PTPRD: variants seen among roughly 807,000 people sequenced by gnomAD.
PTPRD encodes the protein protein tyrosine phosphatase receptor type D.
Under a neutral mutation model 214.5 loss-of-function variants are expected in PTPRD, and 34 were observed. The ratio of observed to expected loss-of-function variants is 0.16; its 90% CI spans 0.12 to 0.21. The LOEUF (loss-of-function observed/expected upper bound fraction) is 0.21. Ranked by LOEUF, PTPRD falls within the 10% of genes least tolerant of loss-of-function variation. The pLI is 1.00. For synonymous variants in PTPRD, 1,128 were observed against 845.7 expected (o/e 1.33, Z -5.79); for missense variants, 2,545 against 2,398.7 (o/e 1.06, Z -1.27).
At chr9:9,500,235 T>C (rs534107514) in intron 8 of PTPRD, among the ~76,000 whole-genome samples, 3 of 152,206 alleles carry the variant, frequency 2.0e-5, no homozygotes, top group South Asian at 2.1e-4. Flanking sequence ...CTCCCAGCCA[T>C]GATAGAGAAA....
At position 9,035,832 on chromosome 9, in the gene PTPRD, A is replaced by G. The variant is rs75230431; in HGVS notation, c.-142-17097T>C. Reference sequence around the variant, plus strand: ...GACAGTCTGGTTTAATGCTTATTCAACAATAAAGGTGTTTCTTTCTCTACT... The same window carrying G: ...GACAGTCTGGTTTAATGCTTATTCAGCAATAAAGGTGTTTCTTTCTCTACT... On this transcript the variant is annotated intron_variant, in intron 10 of 45. Transcript: ENST00000381196. Among the ~76,000 whole-genome samples, 295 of 152,182 alleles carry G rather than the reference A, an allele frequency of 1.9e-3. 6 individuals are homozygous for G. The East Asian group carries it at 0.041, about 21-fold the overall frequency.
intron 39 of PTPRD, among the ~76,000 whole-genome samples, chr9:8,361,126 C>T (rs758591749): frequency 2.8e-4 from 42 of 152,108 alleles, no homozygotes; most frequent in Non-Finnish European, 2.4e-4. Context: ...GGTCAACATA[C>T]GGATTTGTAA....
chr9:9,502,484 G>T (rs1031771714), intron 8 of PTPRD, among the ~76,000 whole-genome samples: 1 of 151,866 alleles, frequency 6.6e-6, no homozygotes, highest in African/African-American at 2.4e-5. Flanking sequence ...ATACGTATAT[G>T]TATTTCTGTT....
At chr9:10,607,339 AC>A (rs2079703151) in intron 2 of PTPRD, among the ~76,000 whole-genome samples, 2 of 151,936 alleles carry the variant, frequency 1.3e-5, no homozygotes, top group Admixed American at 6.6e-5. Flanking sequence ...TTGTTATGTT[AC>A]ATACTAGTCT....
At chr9:10,104,048 G>C (rs1211804872) in intron 3 of PTPRD, among the ~76,000 whole-genome samples, 1 of 151,690 alleles carries the variant, frequency 6.6e-6, no homozygotes, top group Non-Finnish European at 1.5e-5. Flanking sequence ...ATTATGTTAA[G>C]TGAAATAAGC....
In PTPRD at chr9:9,175,990, G is replaced by A. The variant is rs148918800; in HGVS notation, c.-143+7314C>T. Among the ~76,000 whole-genome samples, 427 of 152,248 alleles carry A rather than the reference G, an allele frequency of 2.8e-3. 4 individuals carry two copies. The highest frequency in any genetic ancestry group is 9.3e-3 in the African/African-American group (387 of 41,572). The stretch of plus-strand genomic sequence containing the variant: ...CTCAACTTCTAGGTAATCTTCTATA[G>A]CTGAGTCTGCAACTCCTTCCCTCAG... On this transcript the variant is annotated intron_variant, in intron 10 of 45. Coordinates refer to ENST00000381196, the MANE Select transcript of PTPRD (RefSeq NM_002839.4).
At chr9:9,904,227 A>C (rs2077041141) in intron 5 of PTPRD, among the ~76,000 whole-genome samples, 1 of 152,110 alleles carries the variant, frequency 6.6e-6, no homozygotes. Flanking sequence ...TTTTCAGCCA[A>C]ACGTTTGATG....
At chr9:9,772,140 C>G (rs2098756839) in intron 5 of PTPRD, among the ~76,000 whole-genome samples, 1 of 151,912 alleles carries the variant, frequency 6.6e-6, no homozygotes. Context: ...AGCCCTAATC[C>G]AATGTGACTG....
chr9:8,451,201 C>G (rs1019555171), intron 33 of PTPRD, among the ~76,000 whole-genome samples: 1 of 152,122 alleles, frequency 6.6e-6, no homozygotes, highest in Non-Finnish European at 1.5e-5. Flanking sequence ...GTGCCTTTGG[C>G]AAAACATCCT....
At chr9:8,815,109 T>G (rs955988692) in intron 11 of PTPRD, among the ~76,000 whole-genome samples, 37 of 101,534 alleles carry the variant, frequency 3.6e-4, no homozygotes, top group Admixed American at 2.8e-3. Context: ...TATAATTTAG[T>G]TTTTTTTTTT....
chr9:9,891,931 A>G (rs2073470487), intron 5 of PTPRD, among the ~76,000 whole-genome samples: 2 of 152,140 alleles, frequency 1.3e-5, no homozygotes, highest in African/African-American at 4.8e-5. Flanking sequence ...AAGACATCCC[A>G]CATATTTTAC....
intron 10 of PTPRD, among the ~76,000 whole-genome samples, chr9:9,057,902 T>A (rs562659164): frequency 1.3e-5 from 2 of 152,264 alleles, no homozygotes; most frequent in Admixed American, 1.3e-4. Context: ...ATTAGAAGTA[T>A]AAATATTATA....
At chr9:10,185,242 T>G (rs2099324498) in intron 3 of PTPRD, among the ~76,000 whole-genome samples, 1 of 152,048 alleles carries the variant, frequency 6.6e-6, no homozygotes. Context: ...TTAATGAGAG[T>G]ACAAAAGCGG....
At chr9:10,564,783 C>T (rs2065116665) in intron 2 of PTPRD, among the ~76,000 whole-genome samples, 1 of 152,162 alleles carries the variant, frequency 6.6e-6, no homozygotes, top group Non-Finnish European at 1.5e-5. Flanking sequence ...ATTTGAAACA[C>T]CTAGAATAGT....
At chr9:8,896,061 T>C (rs2098607670) in intron 11 of PTPRD, among the ~76,000 whole-genome samples, 1 of 152,182 alleles carries the variant, frequency 6.6e-6, no homozygotes, top group Admixed American at 6.5e-5. Context: ...CCTATCTTTT[T>C]TCAGTCCAAC....
intron 9 of PTPRD, among the ~76,000 whole-genome samples, chr9:9,332,754 GT>G (rs150824697): frequency 7.4e-4 from 108 of 146,100 alleles, no homozygotes; most frequent in Non-Finnish European, 1.0e-3. Flanking sequence ...ACAGAGGAGG[GT>G]TTTTTTTTTG....
intron 3 of PTPRD, among the ~76,000 whole-genome samples, chr9:10,338,785 G>A (rs1450895204): frequency 6.6e-6 from 1 of 151,418 alleles, no homozygotes; most frequent in Non-Finnish European, 1.5e-5. Context: ...GTTTGGAACA[G>A]GAGAAAAAAA....
chr9:8,937,374 G>C (rs1567120001), intron 11 of PTPRD, among the ~76,000 whole-genome samples: 1 of 152,292 alleles, frequency 6.6e-6, no homozygotes, highest in South Asian at 2.1e-4. Context: ...CAGAATCACA[G>C]TTGAGTATGG....
intron 10 of PTPRD, among the ~76,000 whole-genome samples, chr9:9,135,132 C>T (rs1022997575): frequency 6.6e-6 from 1 of 152,104 alleles, no homozygotes; most frequent in African/African-American, 2.4e-5. Flanking sequence ...GGAATTATAA[C>T]TTTACCTAAG....
Sources: gnomAD v4.1 joint callset for allele counts (sites outside exome capture counted in the v4.1 genomes callset) on GRCh38, gnomAD v4.1.1 for gene constraint, MANE v1.5 for transcripts, NCBI Gene and HGNC (gene_info 2026-07-23, HGNC 2026-07-21) for gene names.